The following COL18A1 variants were observed in gnomAD, a reference collection of about 807,000 sequenced individuals.
The protein encoded by COL18A1 is collagen type XVIII alpha 1 chain, also known as collagen alpha-1(XVIII) chain.
A neutral mutation model predicts 168.0 loss-of-function variants in COL18A1; 133 were observed. The observed-to-expected ratio is 0.79, with a 90% CI of 0.69 to 0.91. COL18A1 has a LOEUF of 0.91. Among genes scored for constraint, COL18A1 ranks in the 40% least tolerant of loss-of-function variants. The pLI is 0.00. For missense variants in COL18A1, 2,126 were observed against 1,925.4 expected (o/e 1.10, Z -1.95); for synonymous variants, 949 against 809.0 (o/e 1.17, Z -2.94).
intron 7 of COL18A1, 125 bp from the exon 8 acceptor site, chr21:45,477,625 G>A (rs572578376): frequency 4.0e-5 from 50 of 1,254,046 alleles, no homozygotes; most frequent in Middle Eastern, 1.8e-4. Flanking sequence ...GCCAGCATGC[G>A]TCCACCCTGC....
intron 27 of COL18A1, 37 bp from the exon 28 acceptor site, chr21:45,494,825 G>C (rs745937440): frequency 3.9e-5 from 62 of 1,580,784 alleles, no homozygotes; most frequent in Non-Finnish European, 5.1e-5. Flanking sequence ...AAGGGCCAGG[G>C]TCTGCCCCAC....
chr21:45,492,351 C>T (rs1329542073), intron 22 of COL18A1, among the ~76,000 whole-genome samples, 184 bp from the exon 23 acceptor site: 1 of 152,220 alleles, frequency 6.6e-6, no homozygotes, highest in Non-Finnish European at 1.5e-5. Flanking sequence ...AGTCTGCATC[C>T]AGCTGCTCTG....
At chr21:45,481,592 C>T (rs750093710) in intron 13 of COL18A1, among the ~76,000 whole-genome samples, 20 of 152,216 alleles carry the variant, frequency 1.3e-4, no homozygotes, top group African/African-American at 2.7e-4. Context: ...CTCTGGGTGC[C>T]GCATGGCAAG....
At chr21:45,408,978 G>T (rs1299766689) in intron 2 of COL18A1, among the ~76,000 whole-genome samples, 2 of 152,204 alleles carry the variant, frequency 1.3e-5, no homozygotes, top group African/African-American at 4.8e-5. Context: ...CTTTGTGCCG[G>T]CACTGGCTCC....
intron 2 of COL18A1, among the ~76,000 whole-genome samples, chr21:45,445,845 A>T (rs1415078347): frequency 5.3e-5 from 8 of 152,194 alleles, no homozygotes; most frequent in Non-Finnish European, 2.9e-5. Context: ...TCTAGATAGA[A>T]GTGCTTCCTC....
chr21:45,456,659 C>T (rs1345687151), intron 2 of COL18A1: 1 of 1,534,554 alleles, frequency 6.5e-7, no homozygotes, highest in Non-Finnish European at 8.7e-7. Flanking sequence ...GGGGGGCCTG[C>T]TGCAGACGCA....
intron 2 of COL18A1, among the ~76,000 whole-genome samples, chr21:45,438,088 GCA>G (rs1303630177): frequency 4.2e-5 from 4 of 95,924 alleles, no homozygotes; most frequent in Non-Finnish European, 5.9e-5. Flanking sequence ...GCACTCTCCT[GCA>G]CACACTCACA....
At chr21:45,500,188 T>TGTGAGGGG (rs2036698250) in intron 32 of COL18A1, among the ~76,000 whole-genome samples, 1 of 94,160 alleles carries the variant, frequency 1.1e-5, no homozygotes, top group African/African-American at 4.4e-5. Context: ...ATAGTGTGGG[T>TGTGAGGGG]GTGTGTGGAG....
At chr21:45,507,456 TGGG>T in intron 37 of COL18A1, 102 bp from the exon 38 acceptor site, 2 of 1,359,008 alleles carry the variant, frequency 1.5e-6, no homozygotes, top group Non-Finnish European at 2.1e-6. Flanking sequence ...TCCTGTGGGC[TGGG>T]AGGGCCAGGT....
rs200147240 is a variant in COL18A1 at position 45,494,915 on chromosome 21, G to A, written c.2433G>A (p.Pro811=). 5.9e-5 allele frequency: 95 copies of A among 1,609,814 alleles called. No homozygotes were observed. Among genetic ancestry groups the A allele is most frequent in the Non-Finnish European group, 7.4e-5 (87 of 1,178,528 alleles). ...YKGEIGFPGR[P]GRPGMNGLKG... ...GAGAGATTGGCTTTCCTGGACGGCC[G>A]GTGAGGACCTGGGGTCTCCAGTGGG... is the stretch of plus-strand genomic sequence containing the variant. The change falls in exon 28 of 42, where the codon CCG becomes CCA. Residue 811 remains proline (P), a splice_region_variant and synonymous_variant. Coordinates refer to ENST00000651438, the MANE Select transcript of COL18A1 (RefSeq NM_001379500.1).
intron 27 of COL18A1, 122 bp downstream of exon 27, chr21:45,494,693 T>C: frequency 7.5e-6 from 11 of 1,473,726 alleles, no homozygotes; most frequent in Non-Finnish European, 1.0e-5. Flanking sequence ...AGTGCAGTTT[T>C]AAAGCGTGTG....
chr21:45,499,282 G>C (rs2036653629), intron 32 of COL18A1, among the ~76,000 whole-genome samples: 1 of 152,384 alleles, frequency 6.6e-6, no homozygotes, highest in Admixed American at 6.5e-5. Context: ...ATTTCAGGGG[G>C]AAGACAAGGC....
chr21:45,478,210 G>T, intron 8 of COL18A1, 117 bp from the exon 9 acceptor site: 5 of 1,374,698 alleles, frequency 3.6e-6, no homozygotes, highest in Non-Finnish European at 5.2e-6. Flanking sequence ...GGACATCGGG[G>T]GAAGGCGTCT....
chr21:45,438,047 C>T (rs1207311822), intron 2 of COL18A1, among the ~76,000 whole-genome samples: 1 of 135,654 alleles, frequency 7.4e-6, no homozygotes, highest in African/African-American at 3.0e-5. Context: ...CAGGCACTCT[C>T]CTGCACACAC....
At position 45,468,446 on chromosome 21, in the gene COL18A1, G is replaced by A; in HGVS notation, c.311G>A (p.Gly104Asp). The change falls in exon 3 of 42, where the codon GGC becomes GAC. Residue 104 changes from glycine (G) to aspartate (D), a missense_variant. By Grantham distance (94) the Gly-to-Asp change is moderately conservative. Coordinates refer to ENST00000651438, the MANE Select transcript of COL18A1 (RefSeq NM_001379500.1). ...TTCCACATCCGGCCAGCCACAGAGG[G>A]CCCAGGGGTGCTGTTCGCCATCACG... ...LLFHIRPATEGPGVLFAITDS... is the reference protein window; with the variant it reads ...LLFHIRPATEDPGVLFAITDS... 2 of 1,614,114 alleles carry A rather than the reference G, an allele frequency of 1.2e-6. No homozygotes were observed. Among genetic ancestry groups the A allele is most frequent in the Non-Finnish European group, 8.5e-7 (1 of 1,180,032 alleles).
intron 15 of COL18A1, among the ~76,000 whole-genome samples, 188 bp downstream of exon 15, chr21:45,483,009 C>A (rs148682250): frequency 6.6e-6 from 1 of 152,226 alleles, no homozygotes; most frequent in African/African-American, 2.4e-5. Context: ...GTCACTCTGG[C>A]GAGGTGGCTT....
At chr21:45,472,249 A>C (rs1401651056) in intron 3 of COL18A1, among the ~76,000 whole-genome samples, 1 of 143,544 alleles carries the variant, frequency 7.0e-6, no homozygotes, top group Non-Finnish European at 1.5e-5. Flanking sequence ...TTTGAGACGG[A>C]GTCTCGCTCT....
chr21:45,426,575 G>A (rs148528130), intron 2 of COL18A1, among the ~76,000 whole-genome samples: 3,383 of 151,988 alleles, frequency 0.022, 56 homozygotes, highest in Middle Eastern at 0.071. Context: ...CACGCCCTGA[G>A]TGGGAGAGCG....
chr21:45,456,465 T>C (rs1047563425), intron 2 of COL18A1: 1 of 1,545,218 alleles, frequency 6.5e-7, no homozygotes, highest in African/African-American at 1.4e-5. Flanking sequence ...GCTAACTCTG[T>C]GGGGCCGGGT....
Sources: gnomAD v4.1 joint callset for allele counts (sites outside exome capture counted in the v4.1 genomes callset) on GRCh38, gnomAD v4.1.1 for gene constraint, MANE v1.5 for transcripts, NCBI Gene and HGNC (gene_info 2026-07-23, HGNC 2026-07-21) for gene names.